Variants in COL16A1 observed in about 807,000 individuals in gnomAD.
The protein encoded by COL16A1 is collagen alpha-1(XVI) chain.
Under a neutral mutation model 266.3 loss-of-function variants are expected in COL16A1, and 189 were observed. That is an observed-to-expected ratio of 0.71 (90% CI 0.63 to 0.80). The LOEUF is 0.80. Among genes scored for constraint, COL16A1 ranks in the 30% least tolerant of loss-of-function variants. The probability of loss-of-function intolerance (pLI) is 0.00; values close to 1 mark genes in which losing one functional copy is unlikely to be tolerated. For missense variants in COL16A1, 1,928 were observed against 2,122.4 expected (o/e 0.91, Z 1.80); for synonymous variants, 740 against 782.3 (o/e 0.95, Z 0.90).
intron 48 of COL16A1, 73 bp downstream of exon 48, chr1:31,671,542 C>T (rs531572288): frequency 3.8e-6 from 6 of 1,593,664 alleles, no homozygotes; most frequent in East Asian, 2.2e-5. Flanking sequence ...GGGACAAGGC[C>T]GCGGGATGGT....
At chr1:31,687,620 G>T (rs946424237) in intron 26 of COL16A1, among the ~76,000 whole-genome samples, 1 of 151,670 alleles carries the variant, frequency 6.6e-6, no homozygotes, top group Non-Finnish European at 1.5e-5. Flanking sequence ...ACTCGCTGGG[G>T]GGCTAGAGGG....
At position 31,663,573 on chromosome 1, in the gene COL16A1, C is replaced by T. The variant is rs185012160; in HGVS notation, c.3556-915G>A. The T allele has an allele frequency of 2.0e-5, 3 of 152,268 alleles. No homozygotes were observed. Among genetic ancestry groups the T allele is most frequent in the African/African-American group, 7.2e-5 (3 of 41,546 alleles). 9.4% of individuals were successfully genotyped at this position (152,268 alleles called of 1,614,324 possible). A position where few individuals can be genotyped will look rare whatever the true frequency, so the allele number is the denominator to read the frequency against. ...TTTTTAAGCTGTACTTCTCAGAGCA[C>T]TGGGGCTTCTGGGGGAGCCTAGAAG... On this transcript the variant is annotated intron_variant, in intron 56 of 70. Coordinates refer to ENST00000373672, the MANE Select transcript of COL16A1 (RefSeq NM_001856.4). The surrounding 1 kb of genome is among the most constrained non-coding windows in gnomAD (Gnocchi z 4.9).
rs2292991 is a variant in COL16A1, at chr1:31,672,506, G to A, written c.3019-4C>T. ...GATCTCCCTCACTGTTGTCACCCTGGAGAAGGATGGAGACGGTGATAGTGA... is the reference window on the plus strand; with the variant it reads ...GATCTCCCTCACTGTTGTCACCCTGAAGAAGGATGGAGACGGTGATAGTGA... On this transcript the variant is annotated splice_region_variant and splice_polypyrimidine_tract_variant and intron_variant, in intron 46 of 70. Coordinates refer to ENST00000373672, the MANE Select transcript of COL16A1 (RefSeq NM_001856.4). 9.7e-3 allele frequency: 15,604 copies of A among 1,614,136 alleles called. 130 individuals carry two copies. Among genetic ancestry groups the A allele is most frequent in the East Asian group, 0.035 (1,591 of 44,884 alleles).
At position 31,665,962 on chromosome 1, in the gene COL16A1, C is replaced by T. The variant is rs369393913; in HGVS notation, c.3403-27G>A. The stretch of plus-strand genomic sequence containing the variant: ...TGTCACCCACAGAGAACAATGCAGC[C>T]GAAACCTAATCTTCCTGCCCTCAGA... On this transcript the variant is annotated intron_variant, in intron 53 of 70. Transcript: ENST00000373672. 2.8e-5 allele frequency: 45 copies of T among 1,614,066 alleles called. No homozygotes were observed. In the African/African-American group the frequency reaches 4.7e-4, roughly 17 times the overall value.
chr1:31,661,606 CA>C (rs1351123727), intron 59 of COL16A1, 53 bp downstream of exon 59: 1 of 1,612,468 alleles, frequency 6.2e-7, no homozygotes, highest in African/African-American at 1.3e-5. Context: ...TGCAGCCACC[CA>C]GGCAGAAGCT....
In COL16A1 at chr1:31,697,895, CT is replaced by C; in HGVS notation, c.657+10del. The C allele has an allele frequency of 1.2e-6, 2 of 1,605,994 alleles. No individual in the cohort carries two copies. The highest frequency in any genetic ancestry group is 1.7e-6 in the Non-Finnish European group (2 of 1,176,008). On this transcript the variant is annotated intron_variant, in intron 6 of 70. Transcript: ENST00000373672. This position sits in a 1 kb window ranked among gnomAD's most constrained non-coding sequence, Gnocchi z 4.2. ...GCAGGAACAGAGGTCAGGGCCTGAC[CT>C]AGCACTCACCGAGACAGGCTTGCCC...
rs983121916 is a variant in COL16A1, at chr1:31,693,180, T to C, written c.1009-26A>G. On this transcript the variant is annotated intron_variant, in intron 12 of 70. Transcript: ENST00000373672. ...CTGAGAGTGAAACCAGAATGGAAGA[T>C]AGGACCAGAGGGGGCACATGGGAGC... The C allele has an allele frequency of 5.9e-6, 9 of 1,532,052 alleles. No homozygotes were observed. In the Admixed American group the frequency reaches 8.4e-5, roughly 14 times the overall value. 94.9% of individuals were successfully genotyped at this position (1,532,052 alleles called of 1,614,324 possible).
chr1:31,654,868 GAGA>G lies in COL16A1; in HGVS notation c.4291-13_4291-11del. On this transcript the variant is annotated splice_polypyrimidine_tract_variant and intron_variant, in intron 67 of 70. Transcript: ENST00000373672. Reference sequence around the variant, plus strand: ...AATTCACCATGTCTCCCTGAAGAAAGAGAAGAAAACCTGCCTCAATTATACTTC... The same window carrying G: ...AATTCACCATGTCTCCCTGAAGAAAGAGAAAACCTGCCTCAATTATACTTC... 6.2e-7 allele frequency: 1 copy of G among 1,609,722 alleles called. No individual in the cohort carries two copies. The highest frequency in any genetic ancestry group is 8.5e-7 in the Non-Finnish European group (1 of 1,177,844).
At chr1:31,671,765 G>A (rs1480009112) in intron 47 of COL16A1, 106 bp from the exon 48 acceptor site, 7 of 1,392,030 alleles carry the variant, frequency 5.0e-6, no homozygotes, top group Non-Finnish European at 7.0e-6. Flanking sequence ...GTCAACAGAG[G>A]GTGGCTGCTG....
chr1:31,696,886 A>C, intron 8 of COL16A1, 77 bp downstream of exon 8: 1 of 1,593,776 alleles, frequency 6.3e-7, no homozygotes, highest in Non-Finnish European at 8.6e-7. Flanking sequence ...CCCTGGTGGC[A>C]GACGTCAGTC....
In COL16A1 at chr1:31,656,062, A is replaced by G. The variant is rs1370320076; in HGVS notation, c.4101+338T>C. ...TCCCTAGTGTAAGTGTGACTGGTCT[A>G]TTGTGAGCACCTATTGTTCAGGGAC... On this transcript the variant is annotated intron_variant, in intron 66 of 70. Coordinates refer to ENST00000373672, the MANE Select transcript of COL16A1 (RefSeq NM_001856.4). The surrounding 1 kb of genome is among the most constrained non-coding windows in gnomAD (Gnocchi z 4.2). 1 of 398,446 alleles carries G rather than the reference A, an allele frequency of 2.5e-6. No homozygotes were observed. The highest frequency in any genetic ancestry group is 2.1e-5 in the African/African-American group (1 of 47,794). The allele number at this position is 398,446 out of a possible 1,614,324, so 24.7% of individuals were successfully genotyped here.
intron 23 of COL16A1, chr1:31,689,350 C>G (rs1644148151): frequency 1.7e-6 from 1 of 602,604 alleles, no homozygotes; most frequent in African/African-American, 1.9e-5. Context: ...CTGACAGCTC[C>G]CAGGTGCTCC....
At position 31,692,782 on chromosome 1, in the gene COL16A1, C is replaced by G; in HGVS notation, c.1098G>C (p.Pro366=). The G allele has an allele frequency of 6.2e-7, 1 of 1,613,838 alleles. No homozygotes were observed. Among genetic ancestry groups the G allele is most frequent in the Non-Finnish European group, 8.5e-7 (1 of 1,179,768 alleles). The part of the protein sequence containing the change: ...ARGNDCVRIS[P]DAPLQCAEGP... The stretch of plus-strand genomic sequence containing the variant: ...CAAGTCTTACCTGAAGTGGGGCATC[C>G]GGGGAGATTCGAACACAGTCATTGC... The change falls in exon 14 of 71, where the codon CCG becomes CCC. Residue 366 remains proline, a synonymous_variant. Transcript: ENST00000373672.
chr1:31,689,677 A>G, intron 23 of COL16A1, 64 bp downstream of exon 23: 1 of 1,342,882 alleles, frequency 7.4e-7, no homozygotes, highest in South Asian at 1.2e-5. Flanking sequence ...CCTCTCTATG[A>G]TCATGTCCCC....
Position 31,690,352 on chromosome 1 carries a change from A to C in COL16A1, c.1509+15T>G. On this transcript the variant is annotated intron_variant, in intron 22 of 70. Transcript: ENST00000373672. The stretch of plus-strand genomic sequence containing the variant: ...CGTTCCCACCCCGATCTGGGCAGCC[A>C]GGCCTAGGACTCACCTTCTCTCCCT... The C allele has an allele frequency of 6.2e-7, 1 of 1,613,588 alleles. No homozygotes were observed. The highest frequency in any genetic ancestry group is 8.5e-7 in the Non-Finnish European group (1 of 1,179,978).
intron 44 of COL16A1, among the ~76,000 whole-genome samples, chr1:31,674,498 G>A (rs190505710): frequency 6.6e-6 from 1 of 152,340 alleles, no homozygotes; most frequent in East Asian, 1.9e-4. Context: ...GGCACAGGCC[G>A]ACCCTCTGAC....
intron 56 of COL16A1, 84 bp downstream of exon 56, chr1:31,665,088 A>G: frequency 6.4e-7 from 1 of 1,558,112 alleles, no homozygotes; most frequent in South Asian, 1.2e-5. Context: ...GAATTTCCTG[A>G]AAGCCTGATG....
At chr1:31,699,156 G>A (rs1644624590) in intron 4 of COL16A1, among the ~76,000 whole-genome samples, 1 of 152,140 alleles carries the variant, frequency 6.6e-6, no homozygotes, top group Admixed American at 6.5e-5. Flanking sequence ...ATACACAGTG[G>A]TGAAAATACA....
chr1:31,683,922 G>A lies in COL16A1; in HGVS notation c.2337+28C>T, dbSNP rs574751054. The A allele has an allele frequency of 6.8e-5, 109 of 1,613,812 alleles. 2 individuals are homozygous for A. Among genetic ancestry groups the A allele is most frequent in the South Asian group, 6.3e-4 (57 of 91,042 alleles). Reference sequence around the variant, plus strand: ...CCCACCCCTGCCCTCACGTAGCTACGGCCCAGGGCCCCAAGACTCACACAT... The same window carrying A: ...CCCACCCCTGCCCTCACGTAGCTACAGCCCAGGGCCCCAAGACTCACACAT... On this transcript the variant is annotated intron_variant, in intron 33 of 70. Coordinates refer to ENST00000373672, the MANE Select transcript of COL16A1 (RefSeq NM_001856.4).
Sources: gnomAD v4.1 joint callset for allele counts (sites outside exome capture counted in the v4.1 genomes callset) on GRCh38, gnomAD v4.1.1 for gene constraint, Gnocchi (gnomAD v3.1) non-coding constraint, MANE v1.5 for transcripts, NCBI Gene and HGNC (gene_info 2026-07-23, HGNC 2026-07-21) for gene names.